The following CPNE7 variants were observed in gnomAD, a reference collection of about 807,000 sequenced individuals.
CPNE7 encodes the protein copine 7.
Under a neutral mutation model 66.5 loss-of-function variants are expected in CPNE7, and 78 were observed. The observed-to-expected ratio is 1.17, with a 90% CI of 0.98 to 1.42. CPNE7 has a LOEUF of 1.42. CPNE7 is among the 40% of genes most tolerant of loss of function. The pLI is 0.00. For synonymous variants in CPNE7, 468 were observed against 336.7 expected (o/e 1.39, Z -4.27); for missense variants, 1,012 against 776.6 (o/e 1.30, Z -3.60).
intron 9 of CPNE7, among the ~76,000 whole-genome samples, chr16:89,588,242 C>CACA (rs2059114318): frequency 1.1e-4 from 16 of 152,122 alleles, no homozygotes; most frequent in South Asian, 2.1e-4. Flanking sequence ...CCGTGTCACC[C>CACA]GCGTGTTATT....
In CPNE7 at chr16:89,583,691, T is replaced by C. The variant is rs745675640; in HGVS notation, c.358-6T>C. On this transcript the variant is annotated splice_polypyrimidine_tract_variant and splice_region_variant and intron_variant, in intron 2 of 14. Coordinates refer to ENST00000319518, the MANE Select transcript of CPNE7 (RefSeq NM_153636.3). ...CCCCTCCCTGCCTGACGCCTCTGACTTACAGATTGTGGCCCAGAAGAAGGT... is the reference window on the plus strand; with the variant it reads ...CCCCTCCCTGCCTGACGCCTCTGACCTACAGATTGTGGCCCAGAAGAAGGT... The C allele has an allele frequency of 3.7e-6, 6 of 1,612,698 alleles. No individual in the cohort carries two copies. The highest frequency in any genetic ancestry group is 5.1e-6 in the Non-Finnish European group (6 of 1,179,880).
At position 89,596,548 on chromosome 16, in the gene CPNE7, A is replaced by G. The variant is rs141343550; in HGVS notation, c.1604A>G (p.Tyr535Cys). 3.0e-5 allele frequency: 49 copies of G among 1,609,548 alleles called. 1 individual carries two copies. Among genetic ancestry groups the G allele is most frequent in the Non-Finnish European group, 3.7e-5 (44 of 1,179,774 alleles). ...GTCCCGAAGCAGGTGGTGGAGTACT[A>G]CAGCCACAGAGGCCTGCCCCCGAGA... The part of the protein sequence containing the change: ...AEVPKQVVEY[Y>C]SHRGLPPRSL... The change falls in exon 15 of 15, where the codon TAC (tyrosine) becomes TGC (cysteine). Residue 535 changes from tyrosine to cysteine, a missense_variant. Coordinates refer to ENST00000319518, the MANE Select transcript of CPNE7 (RefSeq NM_153636.3).
chr16:89,595,464 T>A lies in CPNE7; in HGVS notation c.1400T>A (p.Ile467Asn), dbSNP rs1326667607. The A allele has an allele frequency of 2.5e-6, 4 of 1,612,282 alleles. No individual in the cohort carries two copies. Among genetic ancestry groups the A allele is most frequent in the Non-Finnish European group, 3.4e-6 (4 of 1,179,742 alleles). Residue 467 changes from isoleucine (I) to asparagine (N), a missense_variant, in exon 14 of 15, where the codon ATC becomes AAC. Physicochemically the swap from Ile to Asn is moderately radical, Grantham distance 149. Transcript: ENST00000319518. ...IVRASRLPMS[I>N]IIVGVGNADF... ...CGTGCCTCACGCCTGCCCATGTCCA[T>A]CATCATCGTGGGCGTGGGCAACGCC... is the stretch of plus-strand genomic sequence containing the variant.
rs756884694 is a variant in CPNE7 at position 89,589,929 on chromosome 16, C to T, written c.1094C>T (p.Ala365Val). 2 of 1,613,632 alleles carry T rather than the reference C, an allele frequency of 1.2e-6. No homozygotes were observed. Among genetic ancestry groups the T allele is most frequent in the Non-Finnish European group, 8.5e-7 (1 of 1,179,988 alleles). Reference sequence around the variant, plus strand: ...AGGTTTTCCGCTTTGGGGTTTGGAGCCCGGATCCCTCCCAAGTATGAGGTA... The same window carrying T: ...AGGTTTTCCGCTTTGGGGTTTGGAGTCCGGATCCCTCCCAAGTATGAGGTA... ...DKRFSALGFG[A>V]RIPPKYEVSH... Residue 365 changes from alanine (A) to valine (V), a missense_variant, in exon 11 of 15, where the codon GCC becomes GTC. Ala to Val is a moderately conservative substitution (Grantham distance 64). Coordinates refer to ENST00000319518, the MANE Select transcript of CPNE7 (RefSeq NM_153636.3).
chr16:89,588,976 G>C (rs528559398), intron 10 of CPNE7, among the ~76,000 whole-genome samples, 168 bp downstream of exon 10: 2 of 152,274 alleles, frequency 1.3e-5, no homozygotes, highest in South Asian at 2.1e-4. Context: ...GGGGCACCAT[G>C]AGGTGGGCAC....
chr16:89,584,855 G>A lies in CPNE7; in HGVS notation c.589G>A (p.Glu197Lys). 4 of 1,613,216 alleles carry A rather than the reference G, an allele frequency of 2.5e-6. No individual in the cohort carries two copies. The highest frequency in any genetic ancestry group is 3.4e-6 in the Non-Finnish European group (4 of 1,179,818). ...DQGLQLVYRT[E>K]VVKNNLNPVW... ...GGGCTTGCAGCTGGTGTACAGGACGGAGGTGAGCGGCCGGGGATGGGAACA... is the reference window on the plus strand; with the variant it reads ...GGGCTTGCAGCTGGTGTACAGGACGAAGGTGAGCGGCCGGGGATGGGAACA... The change falls in exon 5 of 15, where the codon GAG becomes AAG. Residue 197 changes from glutamate to lysine, a missense_variant and splice_region_variant. Coordinates refer to ENST00000319518, the MANE Select transcript of CPNE7 (RefSeq NM_153636.3). This position sits in a 1 kb window ranked among gnomAD's most constrained non-coding sequence, Gnocchi z 6.0.
At chr16:89,583,368 G>A in intron 2 of CPNE7, 1 of 1,387,168 alleles carries the variant, frequency 7.2e-7, no homozygotes. Flanking sequence ...CGCCACACCT[G>A]TGCAGGTGCA....
At chr16:89,579,021 T>C in intron 2 of CPNE7, 4 of 1,564,482 alleles carry the variant, frequency 2.6e-6, no homozygotes, top group Non-Finnish European at 3.5e-6. Flanking sequence ...CCGGGCACGG[T>C]GGCTCACGCC....
intron 2 of CPNE7, 81 bp from the exon 3 acceptor site, chr16:89,583,616 C>G (rs1013426953): frequency 6.2e-7 from 1 of 1,607,392 alleles, no homozygotes; most frequent in Non-Finnish European, 8.5e-7. Context: ...GCCTGAGAGT[C>G]CGGGTGAGGG....
At chr16:89,577,394 T>C (rs2058876436) in intron 1 of CPNE7, 145 bp from the exon 2 acceptor site, 2 of 800,744 alleles carry the variant, frequency 2.5e-6, no homozygotes, top group Non-Finnish European at 3.9e-6. Context: ...TGTGGTCCCA[T>C]GGACAGAGAG....
intron 2 of CPNE7, among the ~76,000 whole-genome samples, chr16:89,580,859 A>T (rs1323239361): frequency 2.5e-4 from 35 of 139,180 alleles, no homozygotes; most frequent in Non-Finnish European, 4.3e-4. Flanking sequence ...ACATCCCATC[A>T]CCCGTCACAC....
At chr16:89,593,227 C>T (rs561803853) in intron 13 of CPNE7, among the ~76,000 whole-genome samples, 5 of 152,266 alleles carry the variant, frequency 3.3e-5, no homozygotes, top group Non-Finnish European at 5.9e-5. Context: ...TATCTGTTTG[C>T]ATCTATTTTT....
intron 9 of CPNE7, among the ~76,000 whole-genome samples, chr16:89,588,405 G>A (rs1485662495): frequency 6.6e-6 from 1 of 152,188 alleles, no homozygotes; most frequent in African/African-American, 2.4e-5. Context: ...CCACTAAGAA[G>A]GATGGGCGGG....
chr16:89,594,948 G>T (rs1355365487), intron 13 of CPNE7, among the ~76,000 whole-genome samples: 1 of 151,978 alleles, frequency 6.6e-6, no homozygotes, highest in African/African-American at 2.4e-5. Context: ...CACCGCGTCC[G>T]GCCAACACTC....
intron 7 of CPNE7, among the ~76,000 whole-genome samples, chr16:89,586,317 T>C (rs2059037500): frequency 6.6e-6 from 1 of 151,564 alleles, no homozygotes; most frequent in African/African-American, 2.4e-5. Context: ...GGCACAGGGG[T>C]GGTGGGAGGT....
chr16:89,586,996 C>T lies in CPNE7; in HGVS notation c.868-47C>T, dbSNP rs539053350. The T allele has an allele frequency of 2.9e-5, 45 of 1,542,076 alleles. No individual in the cohort carries two copies. The South Asian group carries it at 4.8e-4, about 17-fold the overall frequency. On this transcript the variant is annotated intron_variant, in intron 8 of 14. Transcript: ENST00000319518. ...AGGCCTGGATCCCAGCTGGCACTGGCCTCAGTGTCCCTGGCGGGGGTGGAC... is the reference window on the plus strand; with the variant it reads ...AGGCCTGGATCCCAGCTGGCACTGGTCTCAGTGTCCCTGGCGGGGGTGGAC...
Position 89,575,822 on chromosome 16 carries a change from C to T in CPNE7, c.-76C>T. On this transcript the variant is annotated 5_prime_UTR_variant, in exon 1 of 15. Transcript: ENST00000319518. ...CCACGCCTGGGCCGGCCACCATTTC[C>T]CGGGCGCCGCGGCGGCGCCGACTCG... 1 of 1,058,952 alleles carries T rather than the reference C, an allele frequency of 9.4e-7. No homozygotes were observed. The highest frequency in any genetic ancestry group is 1.2e-6 in the Non-Finnish European group (1 of 867,502). 65.6% of individuals were successfully genotyped at this position (1,058,952 alleles called of 1,614,324 possible). A position where few individuals can be genotyped will look rare whatever the true frequency, so the allele number is the denominator to read the frequency against.
intron 2 of CPNE7, chr16:89,579,022 G>A (rs770975030): frequency 1.3e-6 from 2 of 1,561,068 alleles, no homozygotes; most frequent in South Asian, 2.3e-5. Context: ...CGGGCACGGT[G>A]GCTCACGCCT....
intron 11 of CPNE7, 35 bp from the exon 12 acceptor site, chr16:89,590,972 C>G: frequency 1.2e-6 from 2 of 1,612,346 alleles, no homozygotes; most frequent in Non-Finnish European, 1.7e-6. Context: ...TGTGTTGCAA[C>G]GAGCAGCTGA....
Sources: gnomAD v4.1 joint callset for allele counts (sites outside exome capture counted in the v4.1 genomes callset) on GRCh38, gnomAD v4.1.1 for gene constraint, Gnocchi (gnomAD v3.1) non-coding constraint, MANE v1.5 for transcripts, NCBI Gene and HGNC (gene_info 2026-07-23, HGNC 2026-07-21) for gene names.